The following SF3A3 variants were observed in gnomAD, a reference collection of about 807,000 sequenced individuals.
The protein encoded by SF3A3 is splicing factor 3a subunit 3, also known as SAP 61.
Under a neutral mutation model 85.8 loss-of-function variants are expected in SF3A3, and 9 were observed. The ratio of observed to expected loss-of-function variants is 0.10; its 90% CI spans 0.06 to 0.18. The LOEUF (loss-of-function observed/expected upper bound fraction) is 0.18. Among genes scored for constraint, SF3A3 ranks in the 10% least tolerant of loss-of-function variants. The probability of loss-of-function intolerance (pLI) is 1.00; values close to 1 mark genes in which losing one functional copy is unlikely to be tolerated. For synonymous variants in SF3A3, 195 were observed against 204.4 expected (o/e 0.95, Z 0.39); for missense variants, 306 against 593.3 (o/e 0.52, Z 5.03).
chr1:37,973,364 A>G (rs190685574), intron 12 of SF3A3, among the ~76,000 whole-genome samples: 1 of 152,362 alleles, frequency 6.6e-6, no homozygotes, highest in East Asian at 1.9e-4. Context: ...TAATTACACT[A>G]AAGAGCTTCT....
chr1:37,988,035 T>C (rs1646468036), intron 2 of SF3A3, among the ~76,000 whole-genome samples, 199 bp from the exon 3 acceptor site: 1 of 152,196 alleles, frequency 6.6e-6, no homozygotes. Context: ...TTTAACAGCC[T>C]TGATTCCTGT....
intron 10 of SF3A3, 53 bp from the exon 11 acceptor site, chr1:37,978,880 G>A: frequency 6.4e-7 from 1 of 1,558,080 alleles, no homozygotes; most frequent in Non-Finnish European, 8.8e-7. Context: ...ACACAGGCTG[G>A]CTTATTTTTG....
chr1:37,987,896 AAAC>A (rs1342230410), intron 2 of SF3A3, 60 bp from the exon 3 acceptor site: 4 of 1,397,090 alleles, frequency 2.9e-6, no homozygotes, highest in South Asian at 1.2e-5. Context: ...AGAGCTAAGC[AAAC>A]AACAAGGGTT....
chr1:37,975,956 A>G (rs1037345110), intron 12 of SF3A3, among the ~76,000 whole-genome samples: 1 of 152,180 alleles, frequency 6.6e-6, no homozygotes, highest in Non-Finnish European at 1.5e-5. Context: ...GGATTTCGAG[A>G]CCAGCCTGAC....
chr1:37,962,043 C>T (rs1005458145), intron 15 of SF3A3, among the ~76,000 whole-genome samples: 9 of 150,912 alleles, frequency 6.0e-5, no homozygotes, highest in African/African-American at 4.9e-5. Flanking sequence ...GAGATCGCAC[C>T]GCTGCACTCC....
At chr1:37,965,325 TAAACTC>T (rs1169112362) in intron 15 of SF3A3, among the ~76,000 whole-genome samples, 10 of 84,840 alleles carry the variant, frequency 1.2e-4, no homozygotes, top group Middle Eastern at 7.4e-3. Context: ...AAAAAGAAAA[TAAACTC>T]AGAATAGTTT....
In SF3A3 at chr1:37,978,256, T is replaced by C. The variant is rs187202447; in HGVS notation, c.935+464A>G. 1.9e-4 allele frequency among the ~76,000 whole-genome samples: 29 copies of C among 151,626 alleles called. No homozygotes were observed. In the East Asian group the frequency reaches 4.9e-3, roughly 25 times the overall value. On this transcript the variant is annotated intron_variant, in intron 11 of 16. Coordinates refer to ENST00000373019, the MANE Select transcript of SF3A3 (RefSeq NM_006802.4). Reference sequence around the variant, plus strand: ...CAGGAGGCTGAGGCAGGAAAATCTTTTGAACCCAGGAGGTGGACGTTCCAG... The same window carrying C: ...CAGGAGGCTGAGGCAGGAAAATCTTCTGAACCCAGGAGGTGGACGTTCCAG...
At chr1:37,985,349 A>G (rs1646448706) in intron 4 of SF3A3, among the ~76,000 whole-genome samples, 1 of 152,198 alleles carries the variant, frequency 6.6e-6, no homozygotes, top group Non-Finnish European at 1.5e-5. Flanking sequence ...GACCACTGTT[A>G]ACAGAGCTTT....
chr1:37,990,008 C>T lies in SF3A3; in HGVS notation c.-43G>A. The T allele has an allele frequency of 1.4e-6, 2 of 1,445,956 alleles. No individual in the cohort carries two copies. Among genetic ancestry groups the T allele is most frequent in the South Asian group, 2.3e-5 (2 of 87,900 alleles). 89.6% of individuals were successfully genotyped at this position (1,445,956 alleles called of 1,614,324 possible). A position where few individuals can be genotyped will look rare whatever the true frequency, so the allele number is the denominator to read the frequency against. Reference sequence around the variant, plus strand: ...TTCTCAATTCAGACCACCAACACGGCCGGAAGCAACTCCTGCCGCCCAGCG... The same window carrying T: ...TTCTCAATTCAGACCACCAACACGGTCGGAAGCAACTCCTGCCGCCCAGCG... On this transcript the variant is annotated 5_prime_UTR_variant, in exon 1 of 17. Transcript: ENST00000373019.
chr1:37,964,119 C>T (rs1646281763), intron 15 of SF3A3, among the ~76,000 whole-genome samples: 1 of 151,882 alleles, frequency 6.6e-6, no homozygotes, highest in Non-Finnish European at 1.5e-5. Flanking sequence ...GTGGAGGTTG[C>T]AGTGAGCAGA....
chr1:37,987,899 C>T (rs1646467171), intron 2 of SF3A3, 63 bp from the exon 3 acceptor site: 2 of 1,372,534 alleles, frequency 1.5e-6, no homozygotes, highest in Non-Finnish European at 2.1e-6. Context: ...GCTAAGCAAA[C>T]AACAAGGGTT....
intron 11 of SF3A3, among the ~76,000 whole-genome samples, chr1:37,977,640 A>C (rs1177622547): frequency 1.3e-5 from 2 of 152,106 alleles, no homozygotes; most frequent in Non-Finnish European, 2.9e-5. Context: ...GGAGTTCATG[A>C]CCAGCCTGGC....
At chr1:37,971,945 A>C (rs1646347371) in intron 12 of SF3A3, among the ~76,000 whole-genome samples, 1 of 152,242 alleles carries the variant, frequency 6.6e-6, no homozygotes, top group Admixed American at 6.5e-5. Context: ...GAAAACTGGC[A>C]CAAGACAGGG....
chr1:37,973,388 A>C (rs1008792673), intron 12 of SF3A3, among the ~76,000 whole-genome samples: 8 of 152,204 alleles, frequency 5.3e-5, no homozygotes, highest in African/African-American at 1.9e-4. Flanking sequence ...CAGCAAAAGA[A>C]ACTACCATCA....
chr1:37,962,441 T>C (rs1646267767), intron 15 of SF3A3, among the ~76,000 whole-genome samples: 1 of 149,450 alleles, frequency 6.7e-6, no homozygotes, highest in Non-Finnish European at 1.5e-5. Flanking sequence ...CCATCTCTAA[T>C]AAAAATGCAA....
intron 2 of SF3A3, among the ~76,000 whole-genome samples, 165 bp downstream of exon 2, chr1:37,989,383 A>G (rs1460785577): frequency 6.6e-6 from 1 of 152,062 alleles, no homozygotes; most frequent in Admixed American, 6.5e-5. Context: ...CTGAGGAAGC[A>G]CCCTCACGTT....
At chr1:37,968,602 A>T (rs950970678) in intron 14 of SF3A3, among the ~76,000 whole-genome samples, 4 of 152,194 alleles carry the variant, frequency 2.6e-5, no homozygotes, top group Non-Finnish European at 5.9e-5. Flanking sequence ...ATACACTGAC[A>T]TGATGGCAGT....
chr1:37,983,087 C>T (rs773390637), intron 6 of SF3A3, among the ~76,000 whole-genome samples: 8 of 151,280 alleles, frequency 5.3e-5, no homozygotes, highest in African/African-American at 1.2e-4. Flanking sequence ...TACAGGCATG[C>T]GCCACCATGC....
chr1:37,979,626 T>C, intron 8 of SF3A3, 93 bp from the exon 9 acceptor site: 2 of 845,716 alleles, frequency 2.4e-6, no homozygotes, highest in South Asian at 1.6e-5. Context: ...GAGGCCAAGA[T>C]AGGTGAATTG....
Sources: allele counts gnomAD v4.1 joint callset (sites outside exome capture counted in the v4.1 genomes callset), GRCh38; gene constraint gnomAD v4.1.1; transcripts MANE v1.5; gene names NCBI Gene and HGNC (gene_info 2026-07-23, HGNC 2026-07-21).